DNAJC5: variants seen among roughly 807,000 people sequenced by gnomAD.
DNAJC5 encodes dnaJ homolog subfamily C member 5.
A neutral mutation model predicts 23.2 loss-of-function variants in DNAJC5; 1 was observed. The observed-to-expected ratio is 0.04, with a 90% CI of 0.02 to 0.20. The LOEUF is 0.20. DNAJC5 is among the 10% of genes least tolerant of loss of function. The probability of loss-of-function intolerance (pLI) is 1.00; values close to 1 mark genes in which losing one functional copy is unlikely to be tolerated. For synonymous variants in DNAJC5, 136 were observed against 120.0 expected, an observed-to-expected ratio of 1.13 and a Z score of -0.87; for missense variants, 180 against 267.0, an observed-to-expected ratio of 0.67 and a Z score of 2.27.
At chr20:63,917,700 C>A (rs1240525582) in intron 1 of DNAJC5, among the ~76,000 whole-genome samples, 2 of 152,068 alleles carry the variant, frequency 1.3e-5, no homozygotes, top group Non-Finnish European at 2.9e-5. Flanking sequence ...GGACTACAGG[C>A]ATGCGCCATC....
In DNAJC5 at chr20:63,931,841, C is replaced by G. The variant is rs886056939; in HGVS notation, c.*273C>G. 2 of 500,366 alleles carry G rather than the reference C, an allele frequency of 4.0e-6. No homozygotes were observed. Among genetic ancestry groups the G allele is most frequent in the East Asian group, 3.7e-5 (1 of 27,112 alleles). 31.0% of individuals were successfully genotyped at this position (500,366 alleles called of 1,614,324 possible). ...GTTCCATGTCTGTGTTGTGGACATT[C>G]CGCGGCATGACCGCGTGAACTGCAC... On this transcript the variant is annotated 3_prime_UTR_variant, in exon 5 of 5. Transcript: ENST00000360864. The surrounding 1 kb of genome is among the most constrained non-coding windows in gnomAD (Gnocchi z 9.6).
chr20:63,919,763 A>T (rs542137436), intron 1 of DNAJC5: 2 of 401,410 alleles, frequency 5.0e-6, no homozygotes, highest in Non-Finnish European at 9.3e-6. Flanking sequence ...CTGTGTGCAC[A>T]TGTGCCCAGG....
intron 1 of DNAJC5, among the ~76,000 whole-genome samples, chr20:63,922,759 G>A (rs1483418374): frequency 6.6e-6 from 1 of 151,966 alleles, no homozygotes; most frequent in Non-Finnish European, 1.5e-5. Context: ...GACAGAGCAA[G>A]ACCCTGTCTC....
At chr20:63,925,663 G>A (rs895760240) in intron 1 of DNAJC5, among the ~76,000 whole-genome samples, 13 of 149,836 alleles carry the variant, frequency 8.7e-5, no homozygotes, top group African/African-American at 2.5e-4. Context: ...CCGGGAACCC[G>A]CCCCATCTGC....
intron 1 of DNAJC5, among the ~76,000 whole-genome samples, chr20:63,922,861 C>T (rs890587987): frequency 1.3e-4 from 20 of 152,148 alleles, no homozygotes; most frequent in African/African-American, 4.1e-4. Context: ...AGGTTTTAGC[C>T]GGACATGGTG....
At position 63,931,201 on chromosome 20, in the gene DNAJC5, G is replaced by A; in HGVS notation, c.493+179G>A. ...CCCTGAGGTAAAGCAGGCGCATAGA[G>A]CTGTCCCCGCCGTGACCTGCGGTAG... On this transcript the variant is annotated intron_variant, in intron 4 of 4. Transcript: ENST00000360864. The surrounding 1 kb of genome is among the most constrained non-coding windows in gnomAD (Gnocchi z 9.6). 1.3e-6 allele frequency: 1 copy of A among 791,020 alleles called. No homozygotes were observed. The highest frequency in any genetic ancestry group is 2.1e-6 in the Non-Finnish European group (1 of 479,682). The allele number at this position is 791,020 out of a possible 1,614,324, so 49.0% of individuals were successfully genotyped here.
rs752326573 is a variant in DNAJC5 at position 63,900,576 on chromosome 20, C to CAAAAAAAAAAAAAAAAAAAAAAA, written c.-12+5254_-12+5276dup. Among the ~76,000 whole-genome samples the CAAAAAAAAAAAAAAAAAAAAAAA allele has an allele frequency of 3.1e-5, 2 of 65,286 alleles. 1 individual carries two copies. The highest frequency in any genetic ancestry group is 5.5e-5 in the Non-Finnish European group (2 of 36,304). 42.8% of individuals were successfully genotyped at this position (65,286 alleles called of 152,430 possible). On this transcript the variant is annotated intron_variant, in intron 1 of 4. Transcript: ENST00000360864. ...TGGGCGACAGAGCAAGACACTGTCT[C>CAAAAAAAAAAAAAAAAAAAAAAA]AAAAAAAAAAAAAAAAAAAAAAAGG...
chr20:63,914,616 CT>C (rs753653056), intron 1 of DNAJC5, among the ~76,000 whole-genome samples: 209 of 127,842 alleles, frequency 1.6e-3, no homozygotes, highest in Non-Finnish European at 1.9e-3. Context: ...CGTGCCCGGC[CT>C]TTTTTTTTTT....
rs2053622146 is a variant in DNAJC5, at chr20:63,927,055, G to A, written c.-11-1280G>A. 2.0e-5 allele frequency among the ~76,000 whole-genome samples: 3 copies of A among 152,202 alleles called. No homozygotes were observed. The South Asian group carries it at 6.2e-4, about 31-fold the overall frequency. ...AGTTTGTAGCTAAGTCAGGGATAGTGCTGTGTGTGACCTCATTCCATTACG... is the reference window on the plus strand; with the variant it reads ...AGTTTGTAGCTAAGTCAGGGATAGTACTGTGTGTGACCTCATTCCATTACG... On this transcript the variant is annotated intron_variant, in intron 1 of 4. Transcript: ENST00000360864.
chr20:63,899,943 C>T (rs2053401182), intron 1 of DNAJC5, among the ~76,000 whole-genome samples: 1 of 137,876 alleles, frequency 7.3e-6, no homozygotes, highest in Non-Finnish European at 1.5e-5. Flanking sequence ...GGCTTGAGTA[C>T]AACGGTACGG....
chr20:63,898,763 C>A (rs1386913159), intron 1 of DNAJC5, among the ~76,000 whole-genome samples: 1 of 152,158 alleles, frequency 6.6e-6, no homozygotes, highest in Non-Finnish European at 1.5e-5. Context: ...ATTGCTTGAA[C>A]CCGGGAGGCA....
rs367766641 is a variant in DNAJC5 at position 63,929,539 on chromosome 20, G to A, written c.321+14G>A. On this transcript the variant is annotated intron_variant, in intron 3 of 4. Coordinates refer to ENST00000360864, the MANE Select transcript of DNAJC5 (RefSeq NM_025219.3). This position sits in a 1 kb window ranked among gnomAD's most constrained non-coding sequence, Gnocchi z 8.6. Reference sequence around the variant, plus strand: ...TGGTGGGCCAAGGTGAGGGCGAGCTGCCTGCCGTGCGGGCACCCGAGTCAC... The same window carrying A: ...TGGTGGGCCAAGGTGAGGGCGAGCTACCTGCCGTGCGGGCACCCGAGTCAC... The A allele has an allele frequency of 1.9e-5, 30 of 1,612,356 alleles. No individual in the cohort carries two copies. In the East Asian group the frequency reaches 2.7e-4, roughly 14 times the overall value.
At position 63,932,598 on chromosome 20, in the gene DNAJC5, C is replaced by T. The variant is rs556293043; in HGVS notation, c.*1030C>T. ...GGACGGGGGCTCTCCCACGACCCCT[C>T]CTCCTGTGTTTGCCAGAGCTCCCAT... On this transcript the variant is annotated 3_prime_UTR_variant, in exon 5 of 5. Transcript: ENST00000360864. This position sits in a 1 kb window ranked among gnomAD's most constrained non-coding sequence, Gnocchi z 4.4. 59 of 152,694 alleles carry T rather than the reference C, an allele frequency of 3.9e-4. No individual in the cohort carries two copies. Among genetic ancestry groups the T allele is most frequent in the African/African-American group, 1.4e-3 (58 of 41,584 alleles). The allele number at this position is 152,694 out of a possible 1,614,324, so 9.5% of individuals were successfully genotyped here. A position where few individuals can be genotyped will look rare whatever the true frequency, so the allele number is the denominator to read the frequency against.
chr20:63,899,227 A>G (rs534309207), intron 1 of DNAJC5, among the ~76,000 whole-genome samples: 6 of 152,326 alleles, frequency 3.9e-5, no homozygotes, highest in Admixed American at 2.6e-4. Flanking sequence ...GTCTTGTTTT[A>G]TGAAAATGCC....
At position 63,931,999 on chromosome 20, in the gene DNAJC5, G is replaced by A; in HGVS notation, c.*431G>A. 1 of 333,958 alleles carries A rather than the reference G, an allele frequency of 3.0e-6. No homozygotes were observed. Among genetic ancestry groups the A allele is most frequent in the East Asian group, 8.0e-5 (1 of 12,468 alleles). The allele number at this position is 333,958 out of a possible 1,614,324, so 20.7% of individuals were successfully genotyped here. A position where few individuals can be genotyped will look rare whatever the true frequency, so the allele number is the denominator to read the frequency against. The stretch of plus-strand genomic sequence containing the variant: ...AGGGGCCGGAGGCAGGTGCTGCCTG[G>A]CAGAGCTGTGTTACCGTCTTGGCCT... On this transcript the variant is annotated 3_prime_UTR_variant, in exon 5 of 5. Coordinates refer to ENST00000360864, the MANE Select transcript of DNAJC5 (RefSeq NM_025219.3). This position sits in a 1 kb window ranked among gnomAD's most constrained non-coding sequence, Gnocchi z 9.6.
chr20:63,901,313 G>A (rs2053409818), intron 1 of DNAJC5, among the ~76,000 whole-genome samples: 1 of 152,182 alleles, frequency 6.6e-6, no homozygotes, highest in African/African-American at 2.4e-5. Context: ...ATGCTGGCAG[G>A]TCGGAAGATG....
rs1294936984 is a variant in DNAJC5, at chr20:63,930,714, C to G, written c.322-137C>G. 26 of 1,388,734 alleles carry G rather than the reference C, an allele frequency of 1.9e-5. No homozygotes were observed. In the Admixed American group the frequency reaches 4.3e-4, roughly 23 times the overall value. 86.0% of individuals were successfully genotyped at this position (1,388,734 alleles called of 1,614,324 possible). ...TCCTCCTCCCTTCTTCAGTTCTTTC[C>G]TTCTGCTTCCTGTCTGGAAGGCAGT... On this transcript the variant is annotated intron_variant, in intron 3 of 4. Transcript: ENST00000360864.
At chr20:63,908,985 C>T (rs1028463588) in intron 1 of DNAJC5, 1 of 151,620 alleles carries the variant, frequency 6.6e-6, no homozygotes, top group African/African-American at 2.4e-5. Flanking sequence ...ATACCATGAT[C>T]GCGAAGGTGG....
At position 63,930,930 on chromosome 20, in the gene DNAJC5, G is replaced by C; in HGVS notation, c.401G>C (p.Gly134Ala). The C allele has an allele frequency of 6.2e-7, 1 of 1,614,172 alleles. No homozygotes were observed. The highest frequency in any genetic ancestry group is 8.5e-7 in the Non-Finnish European group (1 of 1,180,046). ...CLCCCFNCCC[G>A]KCKPKAPEGE... Reference sequence around the variant, plus strand: ...TGCTGCTGCTTCAACTGCTGCTGCGGGAAGTGTAAGCCCAAGGCGCCTGAA... The same window carrying C: ...TGCTGCTGCTTCAACTGCTGCTGCGCGAAGTGTAAGCCCAAGGCGCCTGAA... The change falls in exon 4 of 5, where the codon GGG becomes GCG. Residue 134 changes from glycine to alanine, a missense_variant. Physicochemically the swap from Gly to Ala is moderately conservative, Grantham distance 60. Coordinates refer to ENST00000360864, the MANE Select transcript of DNAJC5 (RefSeq NM_025219.3).
Sources: gnomAD v4.1 joint callset for allele counts (sites outside exome capture counted in the v4.1 genomes callset) on GRCh38, gnomAD v4.1.1 for gene constraint, Gnocchi (gnomAD v3.1) non-coding constraint, MANE v1.5 for transcripts, NCBI Gene and HGNC (gene_info 2026-07-23, HGNC 2026-07-21) for gene names.